The following SLC12A8 variants were observed in gnomAD, a reference collection of about 807,000 sequenced individuals.
SLC12A8 encodes the protein solute carrier family 12 member 8.
Under a neutral mutation model 75.6 loss-of-function variants are expected in SLC12A8, and 69 were observed. The ratio of observed to expected loss-of-function variants is 0.91; its 90% confidence interval spans 0.75 to 1.11. SLC12A8 has a LOEUF of 1.11. Ranked by LOEUF, SLC12A8 falls within the 50% of genes most tolerant of loss-of-function variation. The pLI, the probability that SLC12A8 is intolerant of heterozygous loss-of-function variation, is 0.00. For synonymous variants in SLC12A8, 365 were observed against 372.8 expected (o/e 0.98, Z 0.24); for missense variants, 877 against 896.7 (o/e 0.98, Z 0.28).
intron 2 of SLC12A8, among the ~76,000 whole-genome samples, chr3:125,193,019 A>C (rs1296040742): frequency 1.3e-5 from 2 of 152,198 alleles, no homozygotes; most frequent in Non-Finnish European, 2.9e-5. Context: ...TGCCAAATAA[A>C]GCCCCCGAGG....
intron 4 of SLC12A8, among the ~76,000 whole-genome samples, chr3:125,181,623 A>G (rs1218298665): frequency 5.3e-5 from 8 of 149,884 alleles, no homozygotes; most frequent in South Asian, 2.1e-4. Flanking sequence ...AAAAAAAAAA[A>G]AAAAGAAAAA....
chr3:125,125,180 G>GT (rs1455153770), intron 6 of SLC12A8, among the ~76,000 whole-genome samples: 2 of 150,430 alleles, frequency 1.3e-5, no homozygotes, highest in African/African-American at 4.9e-5. Context: ...ACAGAGCACA[G>GT]TTTGGGAAAC....
At chr3:125,142,708 G>T (rs1014164389) in intron 5 of SLC12A8, among the ~76,000 whole-genome samples, 9 of 152,214 alleles carry the variant, frequency 5.9e-5, no homozygotes, top group Admixed American at 5.9e-4. Flanking sequence ...CCTTCCTAAT[G>T]AGCTCCCCGG....
At chr3:125,127,382 G>A (rs926188806) in intron 6 of SLC12A8, among the ~76,000 whole-genome samples, 4 of 152,330 alleles carry the variant, frequency 2.6e-5, no homozygotes, top group Non-Finnish European at 4.4e-5. Flanking sequence ...TGGATGAGGG[G>A]CGGCACCAAC....
chr3:125,118,917 T>A (rs1932977062), intron 7 of SLC12A8, 61 bp from the exon 8 acceptor site: 1 of 1,100,716 alleles, frequency 9.1e-7, no homozygotes, highest in Non-Finnish European at 1.4e-6. Context: ...CCCCATCCAA[T>A]TCCCTCACTC....
chr3:125,131,540 A>G (rs1933356802), intron 6 of SLC12A8, among the ~76,000 whole-genome samples: 1 of 152,058 alleles, frequency 6.6e-6, no homozygotes, highest in Non-Finnish European at 1.5e-5. Context: ...GGCATGCCCT[A>G]CCACACCTGG....
chr3:125,211,705 G>A lies in SLC12A8; in HGVS notation c.-45-311C>T, dbSNP rs576337106. Among the ~76,000 whole-genome samples the A allele has an allele frequency of 1.1e-4, 16 of 152,266 alleles. No homozygotes were observed. In the South Asian group the frequency reaches 1.7e-3, roughly 16 times the overall value. On this transcript the variant is annotated intron_variant, in intron 1 of 13. Transcript: ENST00000469902. Reference sequence around the variant, plus strand: ...CCAGCTGCCCTGCTGCCCAGCCCTTGAGGACACAGAGTCACACTCCTCTCC... The same window carrying A: ...CCAGCTGCCCTGCTGCCCAGCCCTTAAGGACACAGAGTCACACTCCTCTCC...
intron 8 of SLC12A8, among the ~76,000 whole-genome samples, chr3:125,116,476 T>TGGCATTCCACAGGA (rs1939314734): frequency 6.6e-6 from 1 of 152,106 alleles, no homozygotes; most frequent in South Asian, 2.1e-4. Context: ...TCGGGACAGG[T>TGGCATTCCACAGGA]GGCATTCCAC....
At chr3:125,106,620 G>C (rs906421345) in intron 10 of SLC12A8, among the ~76,000 whole-genome samples, 2 of 152,092 alleles carry the variant, frequency 1.3e-5, no homozygotes, top group Non-Finnish European at 2.9e-5. Flanking sequence ...GGTCAGGCTG[G>C]GATTATAGAC....
chr3:125,158,088 G>C (rs1009532052), intron 5 of SLC12A8, among the ~76,000 whole-genome samples: 1 of 152,126 alleles, frequency 6.6e-6, no homozygotes, highest in Admixed American at 6.5e-5. Flanking sequence ...GACACAACTT[G>C]ACAACTCACT....
rs1933034274 is a variant in SLC12A8 at position 125,120,702 on chromosome 3, A to C, written c.737-16T>G. The C allele has an allele frequency of 6.2e-7, 1 of 1,601,648 alleles. No homozygotes were observed. Among genetic ancestry groups the C allele is most frequent in the Non-Finnish European group, 8.5e-7 (1 of 1,169,816 alleles). On this transcript the variant is annotated splice_polypyrimidine_tract_variant and intron_variant, in intron 6 of 13. Transcript: ENST00000469902. ...GCCATGACTCCTGAAAGACACCCAG[A>C]TGGGGAATGGGGTGAGCAGCCTCCT...
chr3:125,125,120 C>CTTTT (rs11432176), intron 6 of SLC12A8, among the ~76,000 whole-genome samples: 1 of 145,444 alleles, frequency 6.9e-6, no homozygotes, highest in Non-Finnish European at 1.5e-5. Flanking sequence ...GCATTGAACC[C>CTTTT]TTTTTTTTTT....
rs1411777782 is a variant in SLC12A8 at position 125,177,731 on chromosome 3, T to C, written c.622+12A>G. On this transcript the variant is annotated intron_variant, in intron 5 of 13. Coordinates refer to ENST00000469902, the MANE Select transcript of SLC12A8 (RefSeq NM_024628.6). ...ATCCATAAGGCCACATACTGGACTCTGAAAGGCTTACCTGGGTCCAGGTGG... is the reference window on the plus strand; with the variant it reads ...ATCCATAAGGCCACATACTGGACTCCGAAAGGCTTACCTGGGTCCAGGTGG... The C allele has an allele frequency of 1.9e-6, 3 of 1,610,906 alleles. No homozygotes were observed. The South Asian group carries it at 3.3e-5, about 18-fold the overall frequency.
At chr3:125,145,532 T>C (rs1933751272) in intron 5 of SLC12A8, among the ~76,000 whole-genome samples, 1 of 152,214 alleles carries the variant, frequency 6.6e-6, no homozygotes, top group Non-Finnish European at 1.5e-5. Flanking sequence ...TCATGCTAAG[T>C]GAAAGAAGCC....
At chr3:125,103,824 G>A (rs543965820) in intron 10 of SLC12A8, among the ~76,000 whole-genome samples, 6 of 151,984 alleles carry the variant, frequency 3.9e-5, no homozygotes, top group East Asian at 1.9e-4. Context: ...TGTAGCAGCC[G>A]GATCTCGCTA....
At chr3:125,188,374 C>T (rs1255020754) in intron 3 of SLC12A8, among the ~76,000 whole-genome samples, 1 of 152,170 alleles carries the variant, frequency 6.6e-6, no homozygotes, top group African/African-American at 2.4e-5. Flanking sequence ...ATAAATTAGC[C>T]TCAGGTATTC....
At chr3:125,130,762 G>C (rs535399484) in intron 6 of SLC12A8, among the ~76,000 whole-genome samples, 1 of 152,192 alleles carries the variant, frequency 6.6e-6, no homozygotes, top group Non-Finnish European at 1.5e-5. Context: ...GGAGAAGCTG[G>C]AGGGGAGGCT....
In SLC12A8 at chr3:125,179,477, G is replaced by A. The variant is rs201227008; in HGVS notation, c.391-1503C>T. 3.3e-5 allele frequency among the ~76,000 whole-genome samples: 5 copies of A among 152,258 alleles called. No individual in the cohort carries two copies. In the East Asian group the frequency reaches 9.6e-4, roughly 29 times the overall value. On this transcript the variant is annotated intron_variant, in intron 4 of 13. Transcript: ENST00000469902. ...TGAGTTCCAGCCATTTTGTGTAAAGGCAAAAGGGTAATACAACTTCTGGAT... is the reference window on the plus strand; with the variant it reads ...TGAGTTCCAGCCATTTTGTGTAAAGACAAAAGGGTAATACAACTTCTGGAT...
intron 4 of SLC12A8, among the ~76,000 whole-genome samples, chr3:125,186,903 C>G (rs1215746470): frequency 1.3e-5 from 2 of 151,862 alleles, no homozygotes; most frequent in African/African-American, 4.8e-5. Context: ...GGCCACCTGG[C>G]TGCCACCTGG....
Sources: allele counts gnomAD v4.1 joint callset (sites outside exome capture counted in the v4.1 genomes callset), GRCh38; gene constraint gnomAD v4.1.1; transcripts MANE v1.5; gene names NCBI Gene and HGNC (gene_info 2026-07-23, HGNC 2026-07-21).